PRIM1: variants seen among roughly 807,000 people sequenced by gnomAD.
The protein encoded by PRIM1 is DNA primase subunit 1.
A neutral mutation model predicts 60.2 loss-of-function variants in PRIM1; 38 were observed. The ratio of observed to expected loss-of-function variants is 0.63; its 90% confidence interval spans 0.49 to 0.83. The LOEUF (loss-of-function observed/expected upper bound fraction) is 0.83. Among genes scored for constraint, PRIM1 ranks in the 40% least tolerant of loss-of-function variants. PRIM1 has a pLI of 0.00. For missense variants in PRIM1, 388 were observed against 506.2 expected (o/e 0.77, Z 2.24); for synonymous variants, 158 against 160.2 (o/e 0.99, Z 0.10).
intron 12 of PRIM1, 144 bp downstream of exon 12, chr12:56,734,003 A>T (rs1953804122): frequency 1.7e-6 from 1 of 577,684 alleles, no homozygotes; most frequent in African/African-American, 1.9e-5. Context: ...GAATTAAGGA[A>T]CCTCAATTTC....
intron 2 of PRIM1, among the ~76,000 whole-genome samples, chr12:56,748,727 G>A (rs563022144): frequency 7.9e-5 from 12 of 152,046 alleles, no homozygotes; most frequent in African/African-American, 2.9e-4. Flanking sequence ...AGGCCAAGGC[G>A]GGTGGATCAC....
In PRIM1 at chr12:56,744,176, C is replaced by CAT; in HGVS notation, c.580-55_580-54dup. 4 of 1,312,770 alleles carry CAT rather than the reference C, an allele frequency of 3.0e-6. 1 individual carries two copies. In the South Asian group the frequency reaches 5.1e-5, roughly 17 times the overall value. 81.3% of individuals were successfully genotyped at this position (1,312,770 alleles called of 1,614,324 possible). A position where few individuals can be genotyped will look rare whatever the true frequency, so the allele number is the denominator to read the frequency against. ...TTCAGGTATACAATATAAATACAGT[C>CAT]ATGTGCAGCATAACGACATTTTAGT... On this transcript the variant is annotated intron_variant, in intron 5 of 12. Coordinates refer to ENST00000338193, the MANE Select transcript of PRIM1 (RefSeq NM_000946.3).
At chr12:56,733,113 C>G (rs893330695) in intron 12 of PRIM1, among the ~76,000 whole-genome samples, 1 of 149,954 alleles carries the variant, frequency 6.7e-6, no homozygotes, top group African/African-American at 2.5e-5. Flanking sequence ...CTTTGGCCTC[C>G]CAAAGTGCTA....
intron 5 of PRIM1, among the ~76,000 whole-genome samples, chr12:56,745,198 G>A (rs559476899): frequency 1.8e-4 from 28 of 152,046 alleles, no homozygotes; most frequent in African/African-American, 5.3e-4. Flanking sequence ...GATAGTTTGA[G>A]TTTAGGAGTT....
At position 56,734,198 on chromosome 12, in the gene PRIM1, A is replaced by G. The variant is rs1386518228; in HGVS notation, c.1192T>C (p.Phe398Leu). ...LAPYVKVFEH[F>L]LENLDKSRKG... is the part of the protein sequence containing the mutation. ...CGGGATTTATCCAGATTTTCAAGAA[A>G]ATGTTCAAAAACTTTCACATAAGGT... is the stretch of plus-strand genomic sequence containing the variant. Residue 398 changes from phenylalanine to leucine, a missense_variant, in exon 12 of 13, where the codon TTT (phenylalanine) becomes CTT (leucine). Transcript: ENST00000338193. The G allele has an allele frequency of 6.2e-7, 1 of 1,609,092 alleles. No homozygotes were observed. Among genetic ancestry groups the G allele is most frequent in the South Asian group, 1.1e-5 (1 of 90,814 alleles).
chr12:56,747,502 T>C (rs1252371908), intron 2 of PRIM1, among the ~76,000 whole-genome samples: 1 of 152,170 alleles, frequency 6.6e-6, no homozygotes, highest in Non-Finnish European at 1.5e-5. Context: ...TCCCAGCACT[T>C]TGAGAGGCTG....
chr12:56,736,606 T>C (rs1226553818), intron 11 of PRIM1, among the ~76,000 whole-genome samples: 1 of 151,322 alleles, frequency 6.6e-6, no homozygotes, highest in African/African-American at 2.4e-5. Flanking sequence ...CGGGCTCAAG[T>C]GATTCTTGTG....
intron 5 of PRIM1, among the ~76,000 whole-genome samples, chr12:56,744,720 G>A (rs1333196515): frequency 2.6e-5 from 4 of 151,586 alleles, no homozygotes; most frequent in African/African-American, 9.7e-5. Flanking sequence ...GTCTGTGTAA[G>A]TATACTCCAT....
At chr12:56,740,375 T>C (rs978197356) in intron 9 of PRIM1, among the ~76,000 whole-genome samples, 2 of 96,570 alleles carry the variant, frequency 2.1e-5, no homozygotes, top group South Asian at 9.9e-4. Context: ...TCAATACAGA[T>C]ACCCACATGT....
chr12:56,746,038 A>C lies in PRIM1; in HGVS notation c.579+7T>G. ...AGCAATGCAAATTAGAATTAAGAGG[A>C]TCTTACCTTTACAAGGCTCAAATAC... On this transcript the variant is annotated splice_region_variant and intron_variant, in intron 5 of 12. Coordinates refer to ENST00000338193, the MANE Select transcript of PRIM1 (RefSeq NM_000946.3). The C allele has an allele frequency of 6.2e-7, 1 of 1,600,330 alleles. No homozygotes were observed. The highest frequency in any genetic ancestry group is 1.7e-4 in the Middle Eastern group (1 of 5,980).
chr12:56,733,120 G>A (rs1010905150), intron 12 of PRIM1, among the ~76,000 whole-genome samples: 1 of 148,178 alleles, frequency 6.7e-6, no homozygotes, highest in African/African-American at 2.5e-5. Flanking sequence ...CTCCCAAAGT[G>A]CTAGGATTAC....
At chr12:56,743,221 TA>T in intron 6 of PRIM1, 125 bp from the exon 7 acceptor site, 2 of 1,153,288 alleles carry the variant, frequency 1.7e-6, no homozygotes, top group South Asian at 3.8e-5. Flanking sequence ...CTTAACTAGG[TA>T]AAATGGGAAT....
Position 56,741,763 on chromosome 12 carries a change from C to T in PRIM1, c.823G>A (p.Val275Ile). The T allele has an allele frequency of 6.2e-7, 1 of 1,613,870 alleles. No homozygotes were observed. The highest frequency in any genetic ancestry group is 1.3e-5 in the African/African-American group (1 of 75,050). The change falls in exon 8 of 13, where the codon GTA becomes ATA. Residue 275 changes from valine to isoleucine, a missense_variant. Val to Ile is a conservative substitution (Grantham distance 29). Transcript: ENST00000338193. The part of the protein sequence containing the change: ...SLQRWEHLKK[V>I]ASRYQNNIKN... Reference sequence around the variant, plus strand: ...GCATATACCTGATATCTGCTGGCTACTTTCTTCAAGTGCTCCCAACGCTGA... The same window carrying T: ...GCATATACCTGATATCTGCTGGCTATTTTCTTCAAGTGCTCCCAACGCTGA...
At chr12:56,748,450 AC>A (rs1358247346) in intron 2 of PRIM1, among the ~76,000 whole-genome samples, 2 of 151,726 alleles carry the variant, frequency 1.3e-5, no homozygotes, top group Non-Finnish European at 1.5e-5. Flanking sequence ...ACATGGTGAA[AC>A]CCCGTCTCTA....
intron 5 of PRIM1, 82 bp from the exon 6 acceptor site, chr12:56,744,205 G>T: frequency 1.9e-6 from 2 of 1,070,446 alleles, no homozygotes; most frequent in Non-Finnish European, 2.8e-6. Context: ...TTTTAGTCAT[G>T]ATGGACTGCA....
chr12:56,748,729 G>GTGGATCACT (rs1953925761), intron 2 of PRIM1, among the ~76,000 whole-genome samples: 1 of 152,068 alleles, frequency 6.6e-6, no homozygotes, highest in Admixed American at 6.5e-5. Context: ...GCCAAGGCGG[G>GTGGATCACT]TGGATCACTT....
At chr12:56,736,446 C>T (rs1241349941) in intron 11 of PRIM1, among the ~76,000 whole-genome samples, 1 of 150,894 alleles carries the variant, frequency 6.6e-6, no homozygotes, top group Non-Finnish European at 1.5e-5. Flanking sequence ...TAGTATCCTA[C>T]GTTTGCATGG....
chr12:56,739,580 A>G (rs1161449731), intron 9 of PRIM1, among the ~76,000 whole-genome samples: 1 of 152,162 alleles, frequency 6.6e-6, no homozygotes, highest in African/African-American at 2.4e-5. Flanking sequence ...CCCATGCTAG[A>G]GTACATACAG....
At chr12:56,746,312 G>T in intron 4 of PRIM1, 131 bp from the exon 5 acceptor site, 1 of 1,135,898 alleles carries the variant, frequency 8.8e-7, no homozygotes, top group Non-Finnish European at 1.3e-6. Context: ...TGGTCTCTCT[G>T]CTGGGAATTT....
Sources: allele counts gnomAD v4.1 joint callset (sites outside exome capture counted in the v4.1 genomes callset), GRCh38; gene constraint gnomAD v4.1.1; transcripts MANE v1.5; gene names NCBI Gene and HGNC (gene_info 2026-07-23, HGNC 2026-07-21).